Variants in KCNIP4 observed in about 807,000 individuals in gnomAD.
KCNIP4 encodes the protein potassium voltage-gated channel interacting protein 4.
Under a neutral mutation model 34.0 loss-of-function variants are expected in KCNIP4, and 12 were observed. The observed-to-expected ratio is 0.35, with a 90% CI of 0.23 to 0.57. The LOEUF is 0.57. Among genes scored for constraint, KCNIP4 ranks in the 20% least tolerant of loss-of-function variants. The pLI is 0.83. For missense variants in KCNIP4, 238 were observed against 311.7 expected (o/e 0.76, Z 1.78); for synonymous variants, 124 against 102.2 (o/e 1.21, Z -1.29).
At chr4:20,778,160 C>T (rs1266384331) in intron 3 of KCNIP4, among the ~76,000 whole-genome samples, 2 of 152,202 alleles carry the variant, frequency 1.3e-5, no homozygotes. Context: ...GTAGCATAGA[C>T]TCTGAAACAG....
chr4:21,283,163 A>C (rs1326797120), intron 1 of KCNIP4, among the ~76,000 whole-genome samples: 1 of 152,208 alleles, frequency 6.6e-6, no homozygotes, highest in Admixed American at 6.5e-5. Context: ...GTAGATTAGT[A>C]GTTGCCTGGT....
chr4:20,793,561 C>T (rs1217980177), intron 3 of KCNIP4, among the ~76,000 whole-genome samples: 2 of 152,108 alleles, frequency 1.3e-5, no homozygotes, highest in African/African-American at 4.8e-5. Context: ...CTGCAGCAGT[C>T]CCCAACCTTT....
At chr4:21,021,632 T>C (rs1740046439) in intron 1 of KCNIP4, among the ~76,000 whole-genome samples, 1 of 152,098 alleles carries the variant, frequency 6.6e-6, no homozygotes, top group African/African-American at 2.4e-5. Flanking sequence ...CCTAGACCTA[T>C]ACATGGCCAG....
chr4:21,012,359 G>A (rs1470914927), intron 1 of KCNIP4, among the ~76,000 whole-genome samples: 1 of 152,100 alleles, frequency 6.6e-6, no homozygotes, highest in Non-Finnish European at 1.5e-5. Flanking sequence ...CAAGAGGATC[G>A]CTTGAGTCCA....
chr4:21,169,671 T>C (rs1311149083), intron 1 of KCNIP4, among the ~76,000 whole-genome samples: 12 of 145,812 alleles, frequency 8.2e-5, no homozygotes, highest in South Asian at 4.2e-4. Context: ...TGTGTGTGTG[T>C]GTGTGTGTGT....
intron 1 of KCNIP4, among the ~76,000 whole-genome samples, chr4:21,673,912 C>G (rs1022546621): frequency 6.6e-6 from 1 of 152,160 alleles, no homozygotes; most frequent in Non-Finnish European, 1.5e-5. Context: ...AGTTAATTGA[C>G]ACATTATTGT....
intron 1 of KCNIP4, among the ~76,000 whole-genome samples, chr4:20,932,767 A>ATT (rs1321663612): frequency 6.6e-6 from 1 of 152,184 alleles, no homozygotes; most frequent in Non-Finnish European, 1.5e-5. Flanking sequence ...AACATAAATA[A>ATT]TTTTTAACTA....
intron 1 of KCNIP4, among the ~76,000 whole-genome samples, chr4:21,045,506 A>T (rs1742354376): frequency 6.6e-6 from 1 of 152,168 alleles, no homozygotes; most frequent in Non-Finnish European, 1.5e-5. Flanking sequence ...CTCAAGCCTT[A>T]TTCCCAAGCA....
intron 1 of KCNIP4, among the ~76,000 whole-genome samples, chr4:21,765,250 G>A (rs1414704439): frequency 6.6e-6 from 1 of 151,438 alleles, no homozygotes; most frequent in Non-Finnish European, 1.5e-5. Context: ...CGACCTCCGG[G>A]GCTCAAGTGA....
intron 1 of KCNIP4, among the ~76,000 whole-genome samples, chr4:21,307,178 T>C (rs1197429186): frequency 6.6e-6 from 1 of 152,200 alleles, no homozygotes; most frequent in Non-Finnish European, 1.5e-5. Flanking sequence ...TCCTTCCACT[T>C]GGTCTGGATG....
At chr4:21,252,990 C>T (rs139692622) in intron 1 of KCNIP4, among the ~76,000 whole-genome samples, 1 of 152,144 alleles carries the variant, frequency 6.6e-6, no homozygotes, top group African/African-American at 2.4e-5. Context: ...GAAAGGGATG[C>T]TGAGAAAGTC....
In KCNIP4 at chr4:21,732,263, G is replaced by A. The variant is rs189513366; in HGVS notation, c.61+216308C>T. Among the ~76,000 whole-genome samples, 240 of 151,942 alleles carry A rather than the reference G, an allele frequency of 1.6e-3. 1 individual carries two copies. The highest frequency in any genetic ancestry group is 5.4e-3 in the African/African-American group (225 of 41,472). On this transcript the variant is annotated intron_variant, in intron 1 of 8. Transcript: ENST00000382152. ...TGCTTGAAGACCTTTTCAGTGCTACGTGCTAGGATGAAATGATATATAATT... is the reference window on the plus strand; with the variant it reads ...TGCTTGAAGACCTTTTCAGTGCTACATGCTAGGATGAAATGATATATAATT...
intron 4 of KCNIP4, among the ~76,000 whole-genome samples, chr4:20,756,285 T>C (rs1754435070): frequency 6.6e-6 from 1 of 152,276 alleles, no homozygotes; most frequent in Non-Finnish European, 1.5e-5. Context: ...AAGGAAGTAC[T>C]AGATGGTTCC....
intron 1 of KCNIP4, among the ~76,000 whole-genome samples, chr4:21,913,582 C>T (rs1728461234): frequency 6.6e-6 from 1 of 152,104 alleles, no homozygotes; most frequent in Non-Finnish European, 1.5e-5. Flanking sequence ...TATAGCCACA[C>T]AGACAAATTA....
intron 1 of KCNIP4, among the ~76,000 whole-genome samples, chr4:21,175,196 C>T (rs767161102): frequency 2.6e-5 from 4 of 151,816 alleles, no homozygotes; most frequent in African/African-American, 7.2e-5. Flanking sequence ...ATGTCTTTCT[C>T]AAGGATTTGG....
chr4:20,976,778 C>T (rs150086107), intron 1 of KCNIP4, among the ~76,000 whole-genome samples: 337 of 152,204 alleles, frequency 2.2e-3, no homozygotes, highest in African/African-American at 7.7e-3. Context: ...CATGGTTGAT[C>T]AATATAACAA....
At chr4:20,853,104 T>C (rs1721202535) in intron 2 of KCNIP4, among the ~76,000 whole-genome samples, 1 of 152,144 alleles carries the variant, frequency 6.6e-6, no homozygotes, top group East Asian at 1.9e-4. Context: ...AATACCATGA[T>C]TATTCTTCAC....
intron 8 of KCNIP4, among the ~76,000 whole-genome samples, chr4:20,730,344 A>G (rs112908855): frequency 6.6e-6 from 1 of 152,188 alleles, no homozygotes; most frequent in Non-Finnish European, 1.5e-5. Context: ...TGTGGAGTCT[A>G]TTGACCAGGC....
intron 1 of KCNIP4, among the ~76,000 whole-genome samples, chr4:21,338,637 C>A (rs928260270): frequency 6.0e-5 from 9 of 150,762 alleles, no homozygotes; most frequent in Non-Finnish European, 1.3e-4. Context: ...AAATAATAAA[C>A]AAAAGCAAAA....
Sources: gnomAD v4.1 joint callset for allele counts (sites outside exome capture counted in the v4.1 genomes callset) on GRCh38, gnomAD v4.1.1 for gene constraint, MANE v1.5 for transcripts, NCBI Gene and HGNC (gene_info 2026-07-23, HGNC 2026-07-21) for gene names.